RYR1: variants seen among roughly 807,000 people sequenced by gnomAD.
The protein encoded by RYR1 is ryanodine receptor 1, also known as central core disease of muscle.
In RYR1, 342 loss-of-function variants were observed where a neutral mutation model predicts 583.5. The ratio of observed to expected loss-of-function variants is 0.59; its 90% CI spans 0.54 to 0.64. RYR1 has a LOEUF of 0.64. RYR1 is among the 30% of genes least tolerant of loss of function. The pLI is 0.00. For missense variants in RYR1, 6,032 were observed against 6,917.2 expected (o/e 0.87, Z 4.54); for synonymous variants, 2,791 against 2,822.5 (o/e 0.99, Z 0.35).
chr19:38,455,392 C>A, intron 14 of RYR1, 22 bp downstream of exon 14: 8 of 1,614,070 alleles, frequency 5.0e-6, no homozygotes, highest in Non-Finnish European at 5.9e-6. Flanking sequence ...AGTCCTGACT[C>A]CCCTGAGAAC....
At chr19:38,556,589 C>T (rs951722496) in intron 89 of RYR1, among the ~76,000 whole-genome samples, 1 of 151,962 alleles carries the variant, frequency 6.6e-6, no homozygotes. Context: ...GGGGTCTTGC[C>T]ATGTTGCCCA....
At chr19:38,583,307 A>G (rs1974298758) in intron 101 of RYR1, among the ~76,000 whole-genome samples, 1 of 151,304 alleles carries the variant, frequency 6.6e-6, no homozygotes, top group African/African-American at 2.4e-5. Context: ...CAAAAAAAAA[A>G]AAAAAAGAAA....
intron 27 of RYR1, among the ~76,000 whole-genome samples, chr19:38,472,491 T>C (rs776237920): frequency 1.3e-5 from 2 of 152,092 alleles, no homozygotes; most frequent in Non-Finnish European, 2.9e-5. Context: ...AGAAAGAAAA[T>C]GACTTTATTC....
chr19:38,464,573 G>T, intron 22 of RYR1, 66 bp from the exon 23 acceptor site: 2 of 1,391,590 alleles, frequency 1.4e-6, no homozygotes, highest in Non-Finnish European at 2.0e-6. Context: ...CCCTGAGGCC[G>T]TGGGAGGAGA....
chr19:38,512,603 C>A lies in RYR1; in HGVS notation c.9472+120C>A. On this transcript the variant is annotated intron_variant, in intron 63 of 105. Transcript: ENST00000359596. The surrounding 1 kb of genome is among the most constrained non-coding windows in gnomAD (Gnocchi z 5.1). ...TGTGGATTTCTTGCTGTAAGCAAAG[C>A]ATGCAGTCAGTACCTTGGCAGGTGG... The A allele has an allele frequency of 2.1e-6, 2 of 975,392 alleles. No individual in the cohort carries two copies. The highest frequency in any genetic ancestry group is 3.2e-6 in the Non-Finnish European group (2 of 620,748). The allele number at this position is 975,392 out of a possible 1,614,324, so 60.4% of individuals were successfully genotyped here.
In RYR1 at chr19:38,483,079, A is replaced by AG. The variant is rs759632485; in HGVS notation, c.4674dup (p.Asn1559GlufsTer6). Reference sequence around the variant, plus strand: ...GCCGTCTTCGTCCTGCCCACCCACCAGAACGTCATCCAGTTTGAGCTGGGG... The same window carrying AG: ...GCCGTCTTCGTCCTGCCCACCCACCAGGAACGTCATCCAGTTTGAGCTGGGG... On this transcript the variant is annotated frameshift_variant, in exon 32 of 106. Coordinates refer to ENST00000359596, the MANE Select transcript of RYR1 (RefSeq NM_000540.3). LOFTEE classifies it high-confidence loss of function. This position sits in a 1 kb window ranked among gnomAD's most constrained non-coding sequence, Gnocchi z 6.3. 2.5e-6 allele frequency: 4 copies of AG among 1,613,990 alleles called. No homozygotes were observed. Among genetic ancestry groups the AG allele is most frequent in the African/African-American group, 1.3e-5 (1 of 74,898 alleles).
At chr19:38,468,043 ATCCATCATCCAT>A (rs1250425551) in intron 25 of RYR1, among the ~76,000 whole-genome samples, 28 of 132,874 alleles carry the variant, frequency 2.1e-4, no homozygotes, top group Non-Finnish European at 3.7e-4. Context: ...CCATCCATCC[ATCCATCATCCAT>A]CCATCCATCC....
chr19:38,490,370 C>A, intron 36 of RYR1, 94 bp downstream of exon 36: 1 of 1,262,662 alleles, frequency 7.9e-7, no homozygotes. Flanking sequence ...AACCTCTAAA[C>A]CCGTGCTTGA....
chr19:38,560,749 AAGAG>A (rs1245354271), intron 89 of RYR1, among the ~76,000 whole-genome samples: 136 of 149,456 alleles, frequency 9.1e-4, no homozygotes, highest in Non-Finnish European at 1.8e-3. Flanking sequence ...AAAAAAAAAA[AAGAG>A]AAAGAAAAAG....
At chr19:38,451,976 G>C in intron 12 of RYR1, 91 bp downstream of exon 12, 1 of 1,561,894 alleles carries the variant, frequency 6.4e-7, no homozygotes, top group African/African-American at 1.4e-5. Flanking sequence ...CTCTACCTCT[G>C]TTGCCCACAC....
rs1343429004 is a variant in RYR1, at chr19:38,499,784, G to T, written c.7177G>T (p.Asp2393Tyr). ...AIRISEDPARDGPGIRRDRRR... is the reference protein window; with the variant it reads ...AIRISEDPARYGPGIRRDRRR... ...CCGCATCTCCGAGGACCCTGCGAGG[G>T]ATGGCCCAGGCATCCGCAGGGACCG... The change falls in exon 44 of 106, where the codon GAT becomes TAT. Residue 2393 changes from aspartate to tyrosine, a missense_variant. Asp to Tyr is a radical substitution (Grantham distance 160). Transcript: ENST00000359596. The surrounding 1 kb of genome is among the most constrained non-coding windows in gnomAD (Gnocchi z 7.3). 1 of 1,603,906 alleles carries T rather than the reference G, an allele frequency of 6.2e-7. No individual in the cohort carries two copies. The highest frequency in any genetic ancestry group is 8.5e-7 in the Non-Finnish European group (1 of 1,179,114).
Position 38,505,339 on chromosome 19 carries a change from A to G in RYR1, c.8341A>G (p.Ile2781Val). 6.2e-7 allele frequency: 1 copy of G among 1,612,348 alleles called. No individual in the cohort carries two copies. The highest frequency in any genetic ancestry group is 8.5e-7 in the Non-Finnish European group (1 of 1,179,284). ...IQNNWSYGEN[I>V]DEELKTHPML... ...GAACAACTGGTCCTATGGAGAGAAC[A>G]TAGACGAGGAGCTGAAGACCCACCC... Residue 2781 changes from isoleucine (I) to valine (V), a missense_variant, in exon 53 of 106, where the codon ATA becomes GTA. Coordinates refer to ENST00000359596, the MANE Select transcript of RYR1 (RefSeq NM_000540.3).
intron 35 of RYR1, 129 bp from the exon 36 acceptor site, chr19:38,489,947 C>G: frequency 1.1e-6 from 1 of 947,192 alleles, no homozygotes; most frequent in Non-Finnish European, 1.7e-6. Context: ...GCTTAAGGTT[C>G]CAGGCGGGAA....
intron 12 of RYR1, 86 bp from the exon 13 acceptor site, chr19:38,452,733 G>A: frequency 8.0e-7 from 1 of 1,252,684 alleles, no homozygotes; most frequent in Non-Finnish European, 1.1e-6. Context: ...TGGGTCTGGG[G>A]GAGTCTTGCG....
chr19:38,484,876 G>A (rs1023393673), intron 33 of RYR1, among the ~76,000 whole-genome samples: 2 of 151,988 alleles, frequency 1.3e-5, no homozygotes, highest in African/African-American at 4.8e-5. Flanking sequence ...GGGAGGCTGA[G>A]GCAGGAGGAT....
At position 38,451,797 on chromosome 19, in the gene RYR1, G is replaced by A. The variant is rs532700459; in HGVS notation, c.1156G>A (p.Ala386Thr). Residue 386 changes from alanine (A) to threonine (T), a missense_variant, in exon 12 of 106, where the codon GCA (alanine) becomes ACA (threonine). Ala to Thr is a moderately conservative substitution (Grantham distance 58). Coordinates refer to ENST00000359596, the MANE Select transcript of RYR1 (RefSeq NM_000540.3). ...GCACCAGGAGGGCCACATGGACGAC[G>A]CACTGTCGCTGACCCGCTGCCAGCA... Reference protein sequence around the residue: ...MLHQEGHMDDALSLTRCQQEE... With the variant: ...MLHQEGHMDDTLSLTRCQQEE... The A allele has an allele frequency of 1.5e-5, 25 of 1,613,982 alleles. No individual in the cohort carries two copies. Among genetic ancestry groups the A allele is most frequent in the Admixed American group, 1.0e-4 (6 of 59,990 alleles).
chr19:38,450,531 G>T (rs984940728), intron 11 of RYR1, among the ~76,000 whole-genome samples: 1 of 152,088 alleles, frequency 6.6e-6, no homozygotes, highest in African/African-American at 2.4e-5. Flanking sequence ...TGCAGAGAAG[G>T]GTCCCAGAAA....
chr19:38,509,599 C>T (rs1051302645), intron 58 of RYR1, among the ~76,000 whole-genome samples: 2 of 151,854 alleles, frequency 1.3e-5, no homozygotes, highest in African/African-American at 4.8e-5. Flanking sequence ...CTACAGGCGC[C>T]TGCCACCATG....
chr19:38,497,800 C>G (rs1342671911), intron 42 of RYR1, among the ~76,000 whole-genome samples: 1 of 151,938 alleles, frequency 6.6e-6, no homozygotes, highest in South Asian at 2.1e-4. Flanking sequence ...ATAGGGACAC[C>G]TTGTCTCTAC....
Sources: gnomAD v4.1 joint callset for allele counts (sites outside exome capture counted in the v4.1 genomes callset) on GRCh38, gnomAD v4.1.1 for gene constraint, Gnocchi (gnomAD v3.1) non-coding constraint, MANE v1.5 for transcripts, NCBI Gene and HGNC (gene_info 2026-07-23, HGNC 2026-07-21) for gene names.